EDNRB: variants seen among roughly 807,000 people sequenced by gnomAD.
The protein encoded by EDNRB is endothelin receptor type B.
In EDNRB, 18 loss-of-function variants were observed where a neutral mutation model predicts 46.4. That is an observed-to-expected ratio of 0.39 (90% confidence interval 0.27 to 0.57). The LOEUF (loss-of-function observed/expected upper bound fraction) is 0.57. EDNRB is among the 20% of genes least tolerant of loss of function. EDNRB has a pLI of 0.61. For synonymous variants in EDNRB, 213 were observed against 204.9 expected (o/e 1.04, Z -0.34); for missense variants, 434 against 537.5 (o/e 0.81, Z 1.90).
At chr13:77,912,132 C>T (rs1879600777) in intron 1 of EDNRB, among the ~76,000 whole-genome samples, 1 of 152,042 alleles carries the variant, frequency 6.6e-6, no homozygotes, top group African/African-American at 2.4e-5. Flanking sequence ...TCCTTTTGTA[C>T]AACTATGGAA....
At position 77,915,412 on chromosome 13, in the gene EDNRB, A is replaced by T. The variant is rs148564611; in HGVS notation, c.483+2679T>A. ...ATGCTCCCAAATGAGATCCTAAAAC[A>T]ATACTCAAGGTTGGAGATGACCATG... is the stretch of plus-strand genomic sequence containing the variant. On this transcript the variant is annotated intron_variant, in intron 1 of 6. Coordinates refer to ENST00000646607, the MANE Select transcript of EDNRB (RefSeq NM_001122659.3). Among the ~76,000 whole-genome samples, 571 of 152,326 alleles carry T rather than the reference A, an allele frequency of 3.7e-3. 20 individuals carry two copies. The highest frequency in any genetic ancestry group is 9.1e-4 in the Non-Finnish European group (62 of 68,026).
chr13:77,899,581 C>T, intron 6 of EDNRB: 2 of 366,574 alleles, frequency 5.5e-6, no homozygotes, highest in South Asian at 2.6e-5. Context: ...GCCTATCAGA[C>T]ATCAATGCAT....
intron 1 of EDNRB, among the ~76,000 whole-genome samples, chr13:77,943,755 T>C (rs1357293872): frequency 6.6e-6 from 1 of 152,078 alleles, no homozygotes; most frequent in African/African-American, 2.4e-5. Flanking sequence ...TTCACCTTCA[T>C]TTTTTGTTTA....
chr13:77,905,133 CAG>C (rs1415392479), intron 1 of EDNRB, among the ~76,000 whole-genome samples: 1 of 151,822 alleles, frequency 6.6e-6, no homozygotes, highest in East Asian at 1.9e-4. Context: ...GCAGGTAACA[CAG>C]AGAAGTGGAG....
intron 2 of EDNRB, 48 bp from the exon 3 acceptor site, chr13:77,903,408 T>C (rs370171257): frequency 2.8e-5 from 45 of 1,611,458 alleles, no homozygotes; most frequent in Non-Finnish European, 3.6e-5. Context: ...ACCTTAGTTT[T>C]ATTGAATTGC....
intron 1 of EDNRB, among the ~76,000 whole-genome samples, chr13:77,937,119 C>T (rs1488212627): frequency 1.3e-5 from 2 of 152,108 alleles, no homozygotes; most frequent in Admixed American, 6.5e-5. Flanking sequence ...GGCGGTAAAG[C>T]GTCTAAGGGT....
upstream of EDNRB, chr13:77,919,310 T>A: frequency 7.1e-7 from 1 of 1,402,904 alleles, no homozygotes; most frequent in Non-Finnish European, 9.7e-7. Flanking sequence ...TTTATTTTTT[T>A]AAAATCCCAA....
intron 1 of EDNRB, among the ~76,000 whole-genome samples, chr13:77,910,046 A>G (rs1879496379): frequency 1.3e-5 from 2 of 151,996 alleles, no homozygotes; most frequent in Non-Finnish European, 2.9e-5. Flanking sequence ...TGACTGATAC[A>G]AAACAGAACC....
At chr13:77,969,746 A>G (rs1881677354) in intron 1 of EDNRB, among the ~76,000 whole-genome samples, 1 of 152,190 alleles carries the variant, frequency 6.6e-6, no homozygotes. Context: ...GCCATTCTGT[A>G]TTCTAGCTTG....
intron 1 of EDNRB, among the ~76,000 whole-genome samples, chr13:77,937,651 G>A (rs1471030633): frequency 6.6e-6 from 1 of 152,140 alleles, no homozygotes; most frequent in African/African-American, 2.4e-5. Context: ...GCTAGTCGTG[G>A]GACTAAACTG....
At chr13:77,975,094 C>A (rs1458011501) in intron 1 of EDNRB, among the ~76,000 whole-genome samples, 1 of 152,120 alleles carries the variant, frequency 6.6e-6, no homozygotes, top group Non-Finnish European at 1.5e-5. Context: ...AAGTCAAAGA[C>A]AAAACCAAAG....
chr13:77,900,043 T>A, intron 5 of EDNRB, 76 bp from the exon 6 acceptor site: 1 of 1,294,998 alleles, frequency 7.7e-7, no homozygotes, highest in Non-Finnish European at 1.1e-6. Flanking sequence ...TTCTGTGCTT[T>A]TGTAAGGAAA....
chr13:77,930,622 T>C (rs1880364741), intron 1 of EDNRB, among the ~76,000 whole-genome samples: 1 of 152,198 alleles, frequency 6.6e-6, no homozygotes, highest in South Asian at 2.1e-4. Flanking sequence ...ACATAAACCA[T>C]GCACATTAGT....
chr13:77,934,962 A>G (rs1880517708), intron 1 of EDNRB, among the ~76,000 whole-genome samples: 2 of 149,304 alleles, frequency 1.3e-5, no homozygotes, highest in Non-Finnish European at 3.0e-5. Context: ...AGATACAGTC[A>G]TGGGGGTCAG....
chr13:77,919,046 C>G, upstream of EDNRB: 1 of 560,738 alleles, frequency 1.8e-6, no homozygotes. Context: ...GCATTTTGCC[C>G]CGCAGGGGAA....
chr13:77,928,305 G>A (rs1880296300), intron 1 of EDNRB, among the ~76,000 whole-genome samples: 1 of 152,062 alleles, frequency 6.6e-6, no homozygotes, highest in Non-Finnish European at 1.5e-5. Context: ...GTTAACCACT[G>A]TCTTATATCA....
At chr13:77,924,611 C>T (rs879158505), upstream of EDNRB, among the ~76,000 whole-genome samples, 1 of 152,140 alleles carries the variant, frequency 6.6e-6, no homozygotes, top group Non-Finnish European at 1.5e-5. Flanking sequence ...TTAAATACAT[C>T]TATATTGTTA....
chr13:77,919,016 A>T (rs1566318104), upstream of EDNRB: 1 of 705,100 alleles, frequency 1.4e-6, no homozygotes, highest in East Asian at 5.5e-5. Flanking sequence ...CCTAGAGGCC[A>T]AGGGCTTGTG....
intron 1 of EDNRB, among the ~76,000 whole-genome samples, chr13:77,972,137 A>T (rs1345657905): frequency 3.3e-5 from 5 of 152,202 alleles, no homozygotes; most frequent in Admixed American, 6.5e-5. Context: ...AGACTTTGGG[A>T]TATAGCAGAG....
Sources: allele counts gnomAD v4.1 joint callset (sites outside exome capture counted in the v4.1 genomes callset), GRCh38; gene constraint gnomAD v4.1.1; transcripts MANE v1.5; gene names NCBI Gene and HGNC (gene_info 2026-07-23, HGNC 2026-07-21).